The following PAM variants were observed in gnomAD, a reference collection of about 807,000 sequenced individuals.
The protein encoded by PAM is peptidylglycine alpha-amidating monooxygenase.
PAM carries 72 observed loss-of-function variants against 122.1 expected under a neutral mutation model. The observed-to-expected ratio is 0.59, with a 90% CI of 0.49 to 0.72. The LOEUF (loss-of-function observed/expected upper bound fraction) is 0.72. PAM is among the 30% of genes least tolerant of loss of function. PAM has a pLI of 0.00. For missense variants in PAM, 1,106 were observed against 1,183.7 expected, an observed-to-expected ratio of 0.93 and a Z score of 0.96; for synonymous variants, 389 against 404.4, an observed-to-expected ratio of 0.96 and a Z score of 0.46.
At chr5:102,940,936 T>G (rs1226076225) in intron 7 of PAM, among the ~76,000 whole-genome samples, 1 of 152,202 alleles carries the variant, frequency 6.6e-6, no homozygotes, top group Non-Finnish European at 1.5e-5. Context: ...AGCCAATCAA[T>G]AATTTTGAAA....
At chr5:102,827,686 T>TCC (rs1456224398) in intron 1 of PAM, among the ~76,000 whole-genome samples, 702 of 15,596 alleles carry the variant, frequency 0.045, 1 homozygote, top group African/African-American at 0.07. Context: ...TTTTTTTTTT[T>TCC]TTTTTTTTTT....
chr5:102,811,152 C>G (rs1401068468), intron 1 of PAM, among the ~76,000 whole-genome samples: 2 of 152,178 alleles, frequency 1.3e-5, no homozygotes, highest in East Asian at 3.8e-4. Flanking sequence ...AGCATAATAA[C>G]TATTAGTTTT....
chr5:102,841,237 T>G (rs1215228171), intron 1 of PAM, among the ~76,000 whole-genome samples: 1 of 152,194 alleles, frequency 6.6e-6, no homozygotes, highest in Non-Finnish European at 1.5e-5. Flanking sequence ...TTAGCATAAT[T>G]GCTGGGTTAC....
chr5:102,832,589 T>C (rs1775790391), intron 1 of PAM, among the ~76,000 whole-genome samples: 1 of 152,186 alleles, frequency 6.6e-6, no homozygotes, highest in South Asian at 2.1e-4. Flanking sequence ...AAAAGTTATG[T>C]GAATATGGCA....
chr5:102,911,218 C>T (rs1241970405), intron 4 of PAM, among the ~76,000 whole-genome samples: 1 of 151,858 alleles, frequency 6.6e-6, no homozygotes, highest in Non-Finnish European at 1.5e-5. Context: ...AGATATTATA[C>T]TTTTTCTTTA....
At chr5:102,829,363 GTTTTTTTTTTT>G (rs70990417) in intron 1 of PAM, among the ~76,000 whole-genome samples, 4 of 140,506 alleles carry the variant, frequency 2.8e-5, no homozygotes, top group African/African-American at 1.0e-4. Context: ...CAACTGGGAG[GTTTTTTTTTTT>G]TTTTTTTTTT....
rs1030161612 is a variant in PAM at position 102,800,579 on chromosome 5, G to A, written c.-374+45231G>A. On this transcript the variant is annotated intron_variant, in intron 1 of 25. Coordinates refer to ENST00000438793, the MANE Select transcript of PAM (RefSeq NM_001177306.2). Reference sequence around the variant, plus strand: ...CCCAAGATCGCAGAGATTGGAAGTGGCAGAGCTGGGATTTAGGTCCCATGC... The same window carrying A: ...CCCAAGATCGCAGAGATTGGAAGTGACAGAGCTGGGATTTAGGTCCCATGC... 1.8e-4 allele frequency among the ~76,000 whole-genome samples: 28 copies of A among 152,112 alleles called. 1 individual carries two copies. Among genetic ancestry groups the A allele is most frequent in the Admixed American group, 1.4e-3 (22 of 15,268 alleles).
intron 16 of PAM, among the ~76,000 whole-genome samples, chr5:103,002,069 C>A (rs1777570136): frequency 6.6e-6 from 1 of 151,732 alleles, no homozygotes; most frequent in African/African-American, 2.4e-5. Context: ...ATGTACTGAT[C>A]CAATCCTTTT....
At chr5:102,911,487 G>GA (rs1801386965) in intron 4 of PAM, among the ~76,000 whole-genome samples, 1 of 151,960 alleles carries the variant, frequency 6.6e-6, no homozygotes, top group East Asian at 1.9e-4. Flanking sequence ...TGTATGTCAG[G>GA]AAAAAATGTA....
At chr5:102,917,349 C>T (rs1269352168) in intron 5 of PAM, among the ~76,000 whole-genome samples, 3 of 152,182 alleles carry the variant, frequency 2.0e-5, no homozygotes, top group Non-Finnish European at 4.4e-5. Flanking sequence ...TGATCACACT[C>T]ATTTTATAGT....
At chr5:102,859,832 A>T (rs1326715753) in intron 1 of PAM, among the ~76,000 whole-genome samples, 1 of 152,202 alleles carries the variant, frequency 6.6e-6, no homozygotes, top group African/African-American at 2.4e-5. Context: ...ATACACAGAT[A>T]CTTAGCATTA....
intron 1 of PAM, among the ~76,000 whole-genome samples, chr5:102,763,930 G>A (rs944273223): frequency 2.0e-5 from 3 of 152,154 alleles, no homozygotes; most frequent in Non-Finnish European, 2.9e-5. Context: ...CTGTGGGGGC[G>A]TGAGTTGGAT....
Position 102,925,030 on chromosome 5 carries a change from C to A in PAM, c.430C>A (p.Arg144=). 6.4e-7 allele frequency: 1 copy of A among 1,560,364 alleles called. No homozygotes were observed. Among genetic ancestry groups the A allele is most frequent in the Non-Finnish European group, 8.8e-7 (1 of 1,130,830 alleles). ...YAWARNAPPT[R]LPKGVGFRVG... ...CTGGGCGAGAAATGCTCCCCCTACC[C>A]GGCTCCCCAAAGGTATGTCAGAGCC... Residue 144 remains arginine (R), a synonymous_variant, in exon 6 of 26, where the codon CGG becomes AGG. Transcript: ENST00000438793.
chr5:102,998,581 A>C (rs1003683288), intron 16 of PAM, among the ~76,000 whole-genome samples: 4 of 152,222 alleles, frequency 2.6e-5, no homozygotes, highest in African/African-American at 9.6e-5. Flanking sequence ...GTATATTCCA[A>C]GGAAATAAAC....
At chr5:102,789,493 G>A (rs1761483127) in intron 1 of PAM, among the ~76,000 whole-genome samples, 1 of 152,096 alleles carries the variant, frequency 6.6e-6, no homozygotes, top group African/African-American at 2.4e-5. Context: ...GCTACAACAT[G>A]GCTGATCCTT....
intron 1 of PAM, among the ~76,000 whole-genome samples, chr5:102,847,054 G>C (rs1306382789): frequency 3.3e-5 from 5 of 152,112 alleles, no homozygotes; most frequent in African/African-American, 9.7e-5. Flanking sequence ...CTGCTGCTTT[G>C]ATTCTACCAC....
At chr5:102,782,993 T>C (rs762078206) in intron 1 of PAM, among the ~76,000 whole-genome samples, 1 of 152,038 alleles carries the variant, frequency 6.6e-6, no homozygotes, top group Non-Finnish European at 1.5e-5. Flanking sequence ...GATGGAAACT[T>C]GGCAGGAAAA....
At chr5:102,779,918 T>TATATATATATATATATACACACACAC (rs147065045) in intron 1 of PAM, among the ~76,000 whole-genome samples, 2 of 95,704 alleles carry the variant, frequency 2.1e-5, no homozygotes, top group Admixed American at 1.2e-4. Context: ...TATATATATA[T>TATATATATATATATATACACACACAC]ACACACATAT....
In PAM at chr5:103,005,189, A is replaced by C. The variant is rs146925861; in HGVS notation, c.1766A>C (p.Asp589Ala). 6.5e-7 allele frequency: 1 copy of C among 1,534,256 alleles called. No individual in the cohort carries two copies. The highest frequency in any genetic ancestry group is 1.4e-5 in the African/African-American group (1 of 73,312). Residue 589 changes from aspartate (D) to alanine (A), a missense_variant, in exon 18 of 26, where the codon GAT becomes GCT. By Grantham distance (126) the Asp-to-Ala change is moderately radical. This residue lies in a region of PAM where 103 missense variants were observed against 157.9 expected (regional missense o/e 0.65). Transcript: ENST00000438793. ...YLPHGLSIDK[D>A]GNYWVTDVAL... ...CCACATGGCTTGAGTATAGATAAAGATGGGAATTATTGGGTCACAGACGTG... is the reference window on the plus strand; with the variant it reads ...CCACATGGCTTGAGTATAGATAAAGCTGGGAATTATTGGGTCACAGACGTG...
Sources: gnomAD v4.1 joint callset for allele counts (sites outside exome capture counted in the v4.1 genomes callset) on GRCh38, gnomAD v4.1.1 for gene constraint, gnomAD v4.1.1 regional missense constraint, MANE v1.5 for transcripts, NCBI Gene and HGNC (gene_info 2026-07-23, HGNC 2026-07-21) for gene names.